The following TGFBI variants were observed in gnomAD, a reference collection of about 807,000 sequenced individuals.
The protein encoded by TGFBI is transforming growth factor beta induced.
TGFBI carries 50 observed loss-of-function variants against 73.7 expected under a neutral mutation model. The observed-to-expected ratio is 0.68, with a 90% CI of 0.54 to 0.86. The LOEUF is 0.86. Among genes scored for constraint, TGFBI ranks in the 40% least tolerant of loss-of-function variants. TGFBI has a pLI of 0.00. For missense variants in TGFBI, 839 were observed against 877.0 expected, an observed-to-expected ratio of 0.96 and a Z score of 0.55; for synonymous variants, 362 against 360.5, an observed-to-expected ratio of 1.00 and a Z score of -0.05.
At chr5:136,035,644 GAA>G (rs1751206792) in intron 2 of TGFBI, among the ~76,000 whole-genome samples, 1 of 139,222 alleles carries the variant, frequency 7.2e-6, no homozygotes, top group Admixed American at 7.0e-5. Context: ...AAAAAAAAAA[GAA>G]AAGAAAACCT....
chr5:136,036,796 C>T (rs1716304326), intron 2 of TGFBI, among the ~76,000 whole-genome samples: 1 of 152,052 alleles, frequency 6.6e-6, no homozygotes, highest in South Asian at 2.1e-4. Context: ...GGTCCATAGG[C>T]AGTTGGAATT....
At chr5:136,053,904 C>T (rs372312393) in intron 8 of TGFBI, 39 bp from the exon 9 acceptor site, 249 of 1,609,220 alleles carry the variant, frequency 1.5e-4, no homozygotes, top group Non-Finnish European at 2.0e-4. Flanking sequence ...ATGAAAACAG[C>T]GCTTTTAACT....
intron 2 of TGFBI, among the ~76,000 whole-genome samples, chr5:136,039,546 A>G (rs769789903): frequency 1.3e-5 from 2 of 152,172 alleles, no homozygotes; most frequent in East Asian, 1.9e-4. Context: ...AGGGTCATCA[A>G]CCTTCTCCAG....
chr5:136,054,895 A>G (rs562652576), intron 10 of TGFBI, 34 bp downstream of exon 10: 2 of 1,606,334 alleles, frequency 1.2e-6, no homozygotes, highest in African/African-American at 2.7e-5. Flanking sequence ...GCTCCTGGGA[A>G]GCTCCTTACT....
At position 136,049,539 on chromosome 5, in the gene TGFBI, A is replaced by G; in HGVS notation, c.872A>G (p.Glu291Gly). 6.2e-7 allele frequency: 1 copy of G among 1,613,902 alleles called. No homozygotes were observed. Among genetic ancestry groups the G allele is most frequent in the Non-Finnish European group, 8.5e-7 (1 of 1,179,872 alleles). The change falls in exon 7 of 17, where the codon GAG becomes GGG. Residue 291 changes from glutamate (E) to glycine (G), a missense_variant. Coordinates refer to ENST00000442011, the MANE Select transcript of TGFBI (RefSeq NM_000358.3). ...GAGGCCTTCGAGAAGATCCCTAGTG[A>G]GACTTTGAACCGTATCCTGGGCGAC... ...TNEAFEKIPSETLNRILGDPE... is the reference protein window; with the variant it reads ...TNEAFEKIPSGTLNRILGDPE...
In TGFBI at chr5:136,049,583, G is replaced by T. The variant is rs372055216; in HGVS notation, c.913+3G>T. The T allele has an allele frequency of 2.0e-4, 327 of 1,612,672 alleles. No homozygotes were observed. Among genetic ancestry groups the T allele is most frequent in the Non-Finnish European group, 2.7e-4 (321 of 1,179,406 alleles). ...GGGCGACCCAGAAGCCCTGAGAGGTGAGCATCCTTTGGCTCCTGCTGCTGC... is the reference window on the plus strand; with the variant it reads ...GGGCGACCCAGAAGCCCTGAGAGGTTAGCATCCTTTGGCTCCTGCTGCTGC... On this transcript the variant is annotated splice_donor_region_variant and intron_variant, in intron 7 of 16. Coordinates refer to ENST00000442011, the MANE Select transcript of TGFBI (RefSeq NM_000358.3).
chr5:136,057,772 G>A (rs1252263242), intron 12 of TGFBI, among the ~76,000 whole-genome samples: 1 of 152,146 alleles, frequency 6.6e-6, no homozygotes, highest in Admixed American at 6.5e-5. Context: ...GCAGCTCTAA[G>A]TTGAATTCGT....
At chr5:136,061,292 T>C in intron 14 of TGFBI, 1 of 601,554 alleles carries the variant, frequency 1.7e-6, no homozygotes, top group Non-Finnish European at 3.0e-6. Context: ...TGAACCTCAG[T>C]CCTGCCTCTC....
chr5:136,047,339 C>T lies in TGFBI; in HGVS notation c.690C>T (p.His230=), dbSNP rs183236719. The T allele has an allele frequency of 1.2e-4, 190 of 1,613,850 alleles. 2 individuals carry two copies. In the East Asian group the frequency reaches 2.0e-3, roughly 17 times the overall value. The change falls in exon 6 of 17, where the codon CAC becomes CAT. Residue 230 remains histidine, a synonymous_variant. Transcript: ENST00000442011. The part of the protein sequence containing the change: ...ADHHATNGVV[H]LIDKVISTIT... ...ACCATGCAACCAACGGGGTGGTGCA[C>T]CTCATCGATAAGGTCATCTCCACCA...
Position 136,049,492 on chromosome 5 carries a change from C to T in TGFBI, c.825C>T (p.Tyr275=), listed in dbSNP as rs1751494290. The T allele has an allele frequency of 1.2e-6, 2 of 1,614,026 alleles. No individual in the cohort carries two copies. The highest frequency in any genetic ancestry group is 1.7e-6 in the Non-Finnish European group (2 of 1,179,890). Residue 275 remains tyrosine, a synonymous_variant, in exon 7 of 17, where the codon TAC becomes TAT. Coordinates refer to ENST00000442011, the MANE Select transcript of TGFBI (RefSeq NM_000358.3). Reference sequence around the variant, plus strand: ...CGATGCTTGAAGGTAACGGCCAGTACACGCTTTTGGCCCCGACCAATGAGG... The same window carrying T: ...CGATGCTTGAAGGTAACGGCCAGTATACGCTTTTGGCCCCGACCAATGAGG... ...LNTMLEGNGQ[Y]TLLAPTNEAF...
In TGFBI at chr5:136,046,695, G is replaced by A. The variant is rs1751435339; in HGVS notation, c.460-156G>A. The A allele has an allele frequency of 6.5e-6, 8 of 1,229,582 alleles. No homozygotes were observed. In the South Asian group the frequency reaches 9.6e-5, roughly 15 times the overall value. 76.2% of individuals were successfully genotyped at this position (1,229,582 alleles called of 1,614,324 possible). On this transcript the variant is annotated intron_variant, in intron 4 of 16. Transcript: ENST00000442011. ...CGTCTAATGCCCCCCGTTCCCTACTGGGCAGAAAGACTTGGGTGCTTCCTG... is the reference window on the plus strand; with the variant it reads ...CGTCTAATGCCCCCCGTTCCCTACTAGGCAGAAAGACTTGGGTGCTTCCTG...
At chr5:136,059,367 A>G (rs978832759) in intron 13 of TGFBI, among the ~76,000 whole-genome samples, 153 bp downstream of exon 13, 1 of 152,210 alleles carries the variant, frequency 6.6e-6, no homozygotes, top group African/African-American at 2.4e-5. Context: ...GAGAAAAGAG[A>G]AGAGGGTCTT....
intron 2 of TGFBI, among the ~76,000 whole-genome samples, chr5:136,039,805 ATTT>A (rs1751297544): frequency 6.6e-6 from 1 of 152,160 alleles, no homozygotes; most frequent in South Asian, 2.1e-4. Context: ...GCAAGCCATG[ATTT>A]TCTATTGGGA....
chr5:136,046,619 C>A (rs895908266), intron 4 of TGFBI, 124 bp downstream of exon 4: 3 of 1,337,438 alleles, frequency 2.2e-6, no homozygotes, highest in African/African-American at 1.5e-5. Context: ...TTCTCCTTAA[C>A]CCCTTAGAAA....
At chr5:136,051,304 C>A (rs1391760709) in intron 7 of TGFBI, among the ~76,000 whole-genome samples, 1 of 152,150 alleles carries the variant, frequency 6.6e-6, no homozygotes, top group South Asian at 2.1e-4. Flanking sequence ...GTGGTGGCCA[C>A]CTGTAATCCC....
At chr5:136,062,785 C>A in intron 16 of TGFBI, 98 bp downstream of exon 16, 1 of 1,319,176 alleles carries the variant, frequency 7.6e-7, no homozygotes, top group South Asian at 1.3e-5. Flanking sequence ...ATAAGAACAT[C>A]ATGGTGCAGT....
intron 2 of TGFBI, among the ~76,000 whole-genome samples, chr5:136,035,481 C>T (rs940692105): frequency 3.3e-5 from 5 of 151,866 alleles, no homozygotes; most frequent in Admixed American, 6.6e-5. Flanking sequence ...AAAATATTAG[C>T]GGGCGTGGTG....
intron 2 of TGFBI, among the ~76,000 whole-genome samples, chr5:136,038,356 G>A (rs1751267463): frequency 6.6e-6 from 1 of 152,162 alleles, no homozygotes; most frequent in African/African-American, 2.4e-5. Context: ...ATTAAATTAA[G>A]GATCATAAGA....
intron 4 of TGFBI, 89 bp from the exon 5 acceptor site, chr5:136,046,762 G>A: frequency 1.4e-6 from 2 of 1,474,350 alleles, no homozygotes; most frequent in Non-Finnish European, 1.8e-6. Context: ...GCTCACGAGG[G>A]CTGAGAACAT....
Sources: allele counts gnomAD v4.1 joint callset (sites outside exome capture counted in the v4.1 genomes callset), GRCh38; gene constraint gnomAD v4.1.1; transcripts MANE v1.5; gene names NCBI Gene and HGNC (gene_info 2026-07-23, HGNC 2026-07-21).